Variants in TJP2 observed in about 807,000 individuals in gnomAD.
TJP2 encodes the protein tight junction protein 2.
A neutral mutation model predicts 133.1 loss-of-function variants in TJP2; 91 were observed. The observed-to-expected ratio is 0.68, with a 90% CI of 0.58 to 0.81. The LOEUF is 0.81. Among genes scored for constraint, TJP2 ranks in the 40% least tolerant of loss-of-function variants. The probability of loss-of-function intolerance (pLI) is 0.00; values close to 1 mark genes in which losing one functional copy is unlikely to be tolerated. For synonymous variants in TJP2, 592 were observed against 583.4 expected (o/e 1.01, Z -0.21); for missense variants, 1,541 against 1,565.6 (o/e 0.98, Z 0.26).
In TJP2 at chr9:69,228,020, T is replaced by C; in HGVS notation, c.1359T>C (p.Gly453=). The C allele has an allele frequency of 6.2e-7, 1 of 1,613,966 alleles. No individual in the cohort carries two copies. Among genetic ancestry groups the C allele is most frequent in the Non-Finnish European group, 8.5e-7 (1 of 1,179,946 alleles). ...CGCCGAGCAGATTGTCCAGGATGGGTGCGACACCCACTCCCTTTAAGTCCA... is the reference window on the plus strand; with the variant it reads ...CGCCGAGCAGATTGTCCAGGATGGGCGCGACACCCACTCCCTTTAAGTCCA... ...EDTPSRLSRM[G]ATPTPFKSTG... The change falls in exon 9 of 23, where the codon GGT becomes GGC. Residue 453 remains glycine, a synonymous_variant. Coordinates refer to ENST00000377245, the MANE Select transcript of TJP2 (RefSeq NM_004817.4).
chr9:69,161,020 G>C (rs1030501078), intron 2 of TJP2, among the ~76,000 whole-genome samples: 2 of 149,434 alleles, frequency 1.3e-5, no homozygotes, highest in Non-Finnish European at 3.0e-5. Context: ...ATACAAATGG[G>C]GTGAGAGATC....
At chr9:69,234,079 T>C (rs995871563) in intron 11 of TJP2, among the ~76,000 whole-genome samples, 1 of 152,164 alleles carries the variant, frequency 6.6e-6, no homozygotes, top group Non-Finnish European at 1.5e-5. Context: ...GTGTATTACC[T>C]TCTTGGCCAC....
In TJP2 at chr9:69,251,170, C is replaced by T; in HGVS notation, c.3127C>T (p.Pro1043Ser). 6.2e-7 allele frequency: 1 copy of T among 1,614,164 alleles called. No individual in the cohort carries two copies. The highest frequency in any genetic ancestry group is 8.5e-7 in the Non-Finnish European group (1 of 1,180,022). Residue 1043 changes from proline (P) to serine (S), a missense_variant, in exon 21 of 23, where the codon CCT becomes TCT. Transcript: ENST00000377245. The part of the protein sequence containing the change: ...KGYPPPVAAK[P>S]TFGRSILKPS... ...TTATCCTCCTCCTGTTGCAGCAAAA[C>T]CTACCTTTGGGCGGTCTATACTGAA... is the stretch of plus-strand genomic sequence containing the variant.
intron 10 of TJP2, 97 bp downstream of exon 10, chr9:69,229,347 A>G: frequency 8.3e-7 from 1 of 1,210,702 alleles, no homozygotes; most frequent in East Asian, 2.3e-5. Flanking sequence ...CTAGATGGTG[A>G]TTTTGTACAC....
At chr9:69,130,052 AAG>A (rs1421919419) in intron 1 of TJP2, among the ~76,000 whole-genome samples, 2 of 151,930 alleles carry the variant, frequency 1.3e-5, no homozygotes, top group African/African-American at 4.8e-5. Context: ...AAAAAAGAAA[AAG>A]AAAGTAAAAA....
chr9:69,130,581 C>T (rs1263955241), intron 1 of TJP2, among the ~76,000 whole-genome samples: 2 of 152,042 alleles, frequency 1.3e-5, no homozygotes, highest in Non-Finnish European at 2.9e-5. Flanking sequence ...CTTTGAGAAC[C>T]AGTGCTTTGG....
chr9:69,250,896 G>T, intron 20 of TJP2, 139 bp from the exon 21 acceptor site: 1 of 934,904 alleles, frequency 1.1e-6, no homozygotes, highest in Non-Finnish European at 1.7e-6. Context: ...TTGCCCTGCT[G>T]TATTACATTC....
At chr9:69,162,216 A>G (rs1824117200) in intron 2 of TJP2, among the ~76,000 whole-genome samples, 1 of 148,666 alleles carries the variant, frequency 6.7e-6, no homozygotes, top group Non-Finnish European at 1.5e-5. Flanking sequence ...AAATACAATT[A>G]TAAGTTAAAT....
intron 1 of TJP2, among the ~76,000 whole-genome samples, chr9:69,202,696 A>G (rs529404147): frequency 6.6e-6 from 1 of 152,308 alleles, no homozygotes; most frequent in South Asian, 2.1e-4. Flanking sequence ...GATTGTCTTC[A>G]TGTTGAGTAG....
At chr9:69,177,299 G>A (rs1825167356) in intron 1 of TJP2, among the ~76,000 whole-genome samples, 2 of 152,148 alleles carry the variant, frequency 1.3e-5, no homozygotes, top group South Asian at 4.1e-4. Context: ...AGTTTTCTCT[G>A]GTGTTTTACT....
At chr9:69,250,182 AACCTCC>A (rs1831228557) in intron 20 of TJP2, among the ~76,000 whole-genome samples, 1 of 152,178 alleles carries the variant, frequency 6.6e-6, no homozygotes, top group Non-Finnish European at 1.5e-5. Context: ...GGCTCACTGC[AACCTCC>A]ACCTCCTGGG....
chr9:69,160,697 A>G (rs1824020231), intron 2 of TJP2, among the ~76,000 whole-genome samples: 1 of 152,216 alleles, frequency 6.6e-6, no homozygotes, highest in South Asian at 2.1e-4. Flanking sequence ...GGCAATTTAC[A>G]AAAGAAAGAG....
intron 1 of TJP2, among the ~76,000 whole-genome samples, chr9:69,180,579 G>A (rs977124844): frequency 2.0e-5 from 3 of 152,164 alleles, no homozygotes; most frequent in Non-Finnish European, 2.9e-5. Flanking sequence ...GACCCTGGGT[G>A]GAGCTCTACA....
intron 17 of TJP2, among the ~76,000 whole-genome samples, chr9:69,243,760 G>T (rs1035014745): frequency 1.3e-5 from 2 of 152,166 alleles, no homozygotes; most frequent in African/African-American, 4.8e-5. Context: ...GAAGATGCTG[G>T]GCCCCCTAGC....
At chr9:69,185,103 C>T (rs1319486470) in intron 1 of TJP2, among the ~76,000 whole-genome samples, 39 of 146,014 alleles carry the variant, frequency 2.7e-4, no homozygotes, top group African/African-American at 9.8e-4. Flanking sequence ...GCTGTGTTGC[C>T]CAGGCTGGAA....
chr9:69,145,893 A>G lies in TJP2; in HGVS notation c.-130-5758A>G, dbSNP rs551444890. The G allele has an allele frequency of 7.2e-5, 64 of 886,312 alleles. No individual in the cohort carries two copies. In the South Asian group the frequency reaches 3.3e-3, roughly 46 times the overall value. The allele number at this position is 886,312 out of a possible 1,614,324, so 54.9% of individuals were successfully genotyped here. A position where few individuals can be genotyped will look rare whatever the true frequency, so the allele number is the denominator to read the frequency against. On this transcript the variant is annotated intron_variant, in intron 1 of 5. Coordinates refer to the TJP2 transcript ENST00000423935. ...TGTCTGTTTTGGGGACCCATATAGA[A>G]AAAAGGGTCCTCTGTCTTGTGGGGA...
At chr9:69,192,920 CT>C (rs35014942) in intron 1 of TJP2, among the ~76,000 whole-genome samples, 65,270 of 106,954 alleles carry the variant, frequency 0.61, 18,848 homozygotes, top group East Asian at 0.83. Flanking sequence ...TTCTCTCTCA[CT>C]TTTTTTTTTT....
At chr9:69,169,312 T>C (rs1824541402), upstream of TJP2, among the ~76,000 whole-genome samples, 1 of 151,172 alleles carries the variant, frequency 6.6e-6, no homozygotes, top group Admixed American at 6.6e-5. Context: ...CTTTACAGTG[T>C]ACACGTTAAC....
chr9:69,228,022 C>G lies in TJP2; in HGVS notation c.1361C>G (p.Ala454Gly), dbSNP rs779601195. The G allele has an allele frequency of 1.2e-6, 2 of 1,613,984 alleles. No homozygotes were observed. The highest frequency in any genetic ancestry group is 1.1e-5 in the South Asian group (1 of 91,070). ...CCGAGCAGATTGTCCAGGATGGGTG[C>G]GACACCCACTCCCTTTAAGTCCACA... ...DTPSRLSRMG[A>G]TPTPFKSTGD... Residue 454 changes from alanine (A) to glycine (G), a missense_variant, in exon 9 of 23, where the codon GCG becomes GGG. Transcript: ENST00000377245.
Sources: allele counts gnomAD v4.1 joint callset (sites outside exome capture counted in the v4.1 genomes callset), GRCh38; gene constraint gnomAD v4.1.1; transcripts MANE v1.5; gene names NCBI Gene and HGNC (gene_info 2026-07-23, HGNC 2026-07-21).